DGKB: variants seen among roughly 807,000 people sequenced by gnomAD.
DGKB encodes diacylglycerol kinase beta, also known as 90 kDa diacylglycerol kinase.
Under a neutral mutation model 114.3 loss-of-function variants are expected in DGKB, and 67 were observed. The observed-to-expected ratio is 0.59, with a 90% CI of 0.48 to 0.72. The LOEUF (loss-of-function observed/expected upper bound fraction) is 0.72, where lower values mean the gene tolerates loss of function less well. DGKB is among the 30% of genes least tolerant of loss of function. The pLI is 0.00. For synonymous variants in DGKB, 398 were observed against 323.1 expected, an observed-to-expected ratio of 1.23 and a Z score of -2.49; for missense variants, 907 against 975.2, an observed-to-expected ratio of 0.93 and a Z score of 0.93.
intron 1 of DGKB, among the ~76,000 whole-genome samples, chr7:14,919,095 A>AACACACACACACACACACACAC (rs3036019): frequency 1.6e-4 from 18 of 114,968 alleles, no homozygotes; most frequent in African/African-American, 6.1e-4. Flanking sequence ...CACACACACA[A>AACACACACACACACACACACAC]ACACACACAC....
At chr7:14,609,896 A>G (rs1488976319) in intron 16 of DGKB, among the ~76,000 whole-genome samples, 1 of 152,148 alleles carries the variant, frequency 6.6e-6, no homozygotes, top group Non-Finnish European at 1.5e-5. Context: ...GCTGCAAAGA[A>G]AAGGAAATGC....
intron 1 of DGKB, among the ~76,000 whole-genome samples, chr7:14,867,725 TTC>T (rs1851888228): frequency 6.6e-6 from 1 of 152,208 alleles, no homozygotes. Flanking sequence ...TAATTTAAGC[TTC>T]TGTTTACTCC....
At chr7:14,341,837 CAT>C (rs147362034) in intron 22 of DGKB, among the ~76,000 whole-genome samples, 64 of 151,920 alleles carry the variant, frequency 4.2e-4, no homozygotes, top group African/African-American at 1.4e-3. Flanking sequence ...CTATTCAAAA[CAT>C]GTGAAGAACT....
At chr7:14,670,672 A>G (rs1459386450) in intron 13 of DGKB, among the ~76,000 whole-genome samples, 1 of 152,092 alleles carries the variant, frequency 6.6e-6, no homozygotes, top group African/African-American at 2.4e-5. Flanking sequence ...CATCTTATGT[A>G]ACTGCAACTT....
chr7:14,896,313 C>T (rs1782094009), intron 1 of DGKB, among the ~76,000 whole-genome samples: 1 of 151,616 alleles, frequency 6.6e-6, no homozygotes, highest in Non-Finnish European at 1.5e-5. Flanking sequence ...AATTGCATGC[C>T]AGATGTTCTT....
In DGKB at chr7:14,923,983, CAAAA is replaced by C. The variant is rs56032330; in HGVS notation, c.-188+50709_-188+50712del. ...TGGGCAACACAGTGAAGCTCCATCTCAAAAAAAAAAAAAAAAAAAAAGCTTTGTC... is the reference window on the plus strand; with the variant it reads ...TGGGCAACACAGTGAAGCTCCATCTCAAAAAAAAAAAAAAAAAGCTTTGTC... On this transcript the variant is annotated intron_variant, in intron 1 of 4. Coordinates refer to the DGKB transcript ENST00000437998. Among the ~76,000 whole-genome samples, 42 of 76,160 alleles carry C rather than the reference CAAAA, an allele frequency of 5.5e-4. 2 individuals carry two copies. The highest frequency in any genetic ancestry group is 2.9e-3 in the East Asian group (4 of 1,386). The allele number at this position is 76,160 out of a possible 152,430, so 50.0% of individuals were successfully genotyped here.
intron 17 of DGKB, among the ~76,000 whole-genome samples, chr7:14,607,157 C>CATGT (rs1554542102): frequency 1.3e-5 from 2 of 148,232 alleles, no homozygotes; most frequent in Non-Finnish European, 3.0e-5. Flanking sequence ...GCTAGTTTGT[C>CATGT]GTGTGTGTGT....
chr7:14,279,677 G>A (rs1799611859), intron 23 of DGKB, among the ~76,000 whole-genome samples: 2 of 152,098 alleles, frequency 1.3e-5, no homozygotes, highest in Admixed American at 1.3e-4. Context: ...AAGGCAGACT[G>A]CCTCCTCAAG....
In DGKB at chr7:14,190,121, C is replaced by T. The variant is rs538505253; in HGVS notation, c.2123-11970G>A. On this transcript the variant is annotated intron_variant, in intron 23 of 25. Transcript: ENST00000402815. ...ATATTCTTTTCGGTTGCACATGGAACGTTCTCCAGGATGAATCACATATTA... is the reference window on the plus strand; with the variant it reads ...ATATTCTTTTCGGTTGCACATGGAATGTTCTCCAGGATGAATCACATATTA... 7.2e-5 allele frequency among the ~76,000 whole-genome samples: 11 copies of T among 152,228 alleles called. No homozygotes were observed. In the East Asian group the frequency reaches 7.7e-4, roughly 11 times the overall value.
intron 21 of DGKB, among the ~76,000 whole-genome samples, chr7:14,379,100 T>A (rs767504487): frequency 3.3e-5 from 5 of 152,078 alleles, no homozygotes; most frequent in Non-Finnish European, 7.4e-5. Flanking sequence ...GACAATTATG[T>A]CACATACACA....
At chr7:14,786,331 T>C (rs1468654913) in intron 2 of DGKB, among the ~76,000 whole-genome samples, 2 of 152,234 alleles carry the variant, frequency 1.3e-5, no homozygotes, top group Non-Finnish European at 2.9e-5. Flanking sequence ...GTAATGTCTT[T>C]GGAACATTTT....
intron 19 of DGKB, 21 bp from the exon 20 acceptor site, chr7:14,574,393 C>A (rs113108354): frequency 6.3e-7 from 1 of 1,595,380 alleles, no homozygotes; most frequent in Non-Finnish European, 8.5e-7. Context: ...AAAAAAATAC[C>A]TTGAGAAAAG....
At chr7:14,520,055 T>A (rs1318670887) in intron 20 of DGKB, among the ~76,000 whole-genome samples, 6 of 151,914 alleles carry the variant, frequency 3.9e-5, no homozygotes, top group African/African-American at 1.2e-4. Context: ...TTTTATCAGA[T>A]TCCAATTTAT....
intron 21 of DGKB, among the ~76,000 whole-genome samples, chr7:14,360,448 G>GTATA (rs112459240): frequency 0.029 from 4,221 of 146,990 alleles, 80 homozygotes; most frequent in South Asian, 0.094. Flanking sequence ...AGAACTTAAA[G>GTATA]TATATATATA....
chr7:14,691,326 A>G (rs1008110082), intron 9 of DGKB, among the ~76,000 whole-genome samples: 8 of 152,212 alleles, frequency 5.3e-5, no homozygotes, highest in African/African-American at 1.9e-4. Context: ...GACAATAGAC[A>G]ATAACATATA....
chr7:14,880,080 G>A (rs1853984180), intron 1 of DGKB, among the ~76,000 whole-genome samples: 1 of 152,074 alleles, frequency 6.6e-6, no homozygotes. Context: ...GGTAATTTCA[G>A]GAAAGTGACA....
chr7:14,217,732 ACTAT>A (rs1264503037), intron 23 of DGKB, among the ~76,000 whole-genome samples: 5 of 152,084 alleles, frequency 3.3e-5, no homozygotes, highest in Non-Finnish European at 7.4e-5. Flanking sequence ...TGGAGCTCAA[ACTAT>A]CTAGTCCCTT....
chr7:14,524,078 G>T (rs1039126627), intron 20 of DGKB, among the ~76,000 whole-genome samples: 3 of 152,084 alleles, frequency 2.0e-5, no homozygotes, highest in African/African-American at 7.2e-5. Flanking sequence ...TGATGTTTTA[G>T]AAATGTTTGT....
chr7:14,574,406 C>T, intron 19 of DGKB, 34 bp from the exon 20 acceptor site: 1 of 1,564,956 alleles, frequency 6.4e-7, no homozygotes, highest in Non-Finnish European at 8.7e-7. Flanking sequence ...GAGAAAAGAA[C>T]TCTAACCAAA....
Sources: gnomAD v4.1 joint callset for allele counts (sites outside exome capture counted in the v4.1 genomes callset) on GRCh38, gnomAD v4.1.1 for gene constraint, MANE v1.5 for transcripts, NCBI Gene and HGNC (gene_info 2026-07-23, HGNC 2026-07-21) for gene names.